Variants in LRRC74A observed in about 807,000 individuals in gnomAD.
LRRC74A encodes leucine-rich repeat-containing protein 74A.
LRRC74A carries 44 observed loss-of-function variants against 57.9 expected under a neutral mutation model. That is an observed-to-expected ratio of 0.76 (90% CI 0.60 to 0.98). The LOEUF (loss-of-function observed/expected upper bound fraction) is 0.98, where lower values mean the gene tolerates loss of function less well. LRRC74A is among the 50% of genes least tolerant of loss of function. The pLI, the probability that LRRC74A is intolerant of heterozygous loss-of-function variation, is 0.00. For synonymous variants in LRRC74A, 211 were observed against 219.4 expected (o/e 0.96, Z 0.34); for missense variants, 572 against 574.0 (o/e 1.00, Z 0.04).
At chr14:76,853,177 T>C (rs768946598) in intron 8 of LRRC74A, 39 bp from the exon 9 acceptor site, 3 of 1,556,778 alleles carry the variant, frequency 1.9e-6, no homozygotes, top group Non-Finnish European at 2.7e-6. Context: ...GAGTCACGCG[T>C]AACCTTGATG....
rs1487810787 is a variant in LRRC74A at position 76,853,395 on chromosome 14, C to G, written c.942C>G (p.Ser314Arg). The G allele has an allele frequency of 6.2e-7, 1 of 1,602,706 alleles. No homozygotes were observed. Among genetic ancestry groups the G allele is most frequent in the South Asian group, 1.1e-5 (1 of 90,674 alleles). ...GCAAAGGACTGGAATCCAATGAAAG[C>G]CTCAGAGTTCTGAAGGTAGTCTTCA... The part of the protein sequence containing the change: ...KISKGLESNE[S>R]LRVLKLFLNP... Residue 314 changes from serine (S) to arginine (R), a missense_variant, in exon 9 of 14, where the codon AGC (serine) becomes AGG (arginine). By Grantham distance (110) the Ser-to-Arg change is moderately radical (BLOSUM62 -1). Coordinates refer to ENST00000689127, the MANE Select transcript of LRRC74A (RefSeq NM_001385106.1).
In LRRC74A at chr14:76,831,214, T is replaced by A. The variant is rs777659916; in HGVS notation, c.178T>A (p.Phe60Ile). ...TDLEIEDDEK[F>I]FTTGQKELYL... ...ATCTTTCTCTGCAGATGATGAGAAATTTTTCACCACTGGACAAAAGGAGCT... is the reference window on the plus strand; with the variant it reads ...ATCTTTCTCTGCAGATGATGAGAAAATTTTCACCACTGGACAAAAGGAGCT... Residue 60 changes from phenylalanine to isoleucine, a missense_variant, in exon 3 of 14, where the codon TTT (phenylalanine) becomes ATT (isoleucine). Coordinates refer to ENST00000689127, the MANE Select transcript of LRRC74A (RefSeq NM_001385106.1). The A allele has an allele frequency of 6.2e-7, 1 of 1,613,824 alleles. No individual in the cohort carries two copies. The highest frequency in any genetic ancestry group is 1.1e-5 in the South Asian group (1 of 91,076).
rs142165893 is a variant in LRRC74A, at chr14:76,842,438, G to A, written c.545-1985G>A. ...AATCACCCAGTCCTATCCCAGACTG[G>A]TGAAATCAGAATCTTTGGCAGGAGA... On this transcript the variant is annotated intron_variant, in intron 5 of 13. Transcript: ENST00000689127. 8.4e-3 allele frequency among the ~76,000 whole-genome samples: 1,276 copies of A among 152,266 alleles called. 16 individuals are homozygous for A. The highest frequency in any genetic ancestry group is 0.028 in the African/African-American group (1,167 of 41,536).
At chr14:76,829,283 C>A in intron 2 of LRRC74A, 2 of 904,420 alleles carry the variant, frequency 2.2e-6, no homozygotes, top group Non-Finnish European at 3.1e-6. Context: ...CCAGTTCTGC[C>A]AAATTAAACT....
intron 12 of LRRC74A, among the ~76,000 whole-genome samples, chr14:76,866,380 A>G (rs1898797048): frequency 6.6e-6 from 1 of 152,222 alleles, no homozygotes; most frequent in Non-Finnish European, 1.5e-5. Flanking sequence ...TACTGGGCAG[A>G]TAACAAAGGG....
chr14:76,829,011 G>A, intron 2 of LRRC74A: 1 of 1,289,244 alleles, frequency 7.8e-7, no homozygotes, highest in Non-Finnish European at 1.0e-6. Context: ...ATCTAAGCAT[G>A]CCTGGGTATC....
rs761609399 is a variant in LRRC74A at position 76,836,240 on chromosome 14, G to A, written c.373G>A (p.Asp125Asn). Residue 125 changes from aspartate to asparagine, a missense_variant, in exon 4 of 14, where the codon GAC becomes AAC. By Grantham distance (23) the Asp-to-Asn change is conservative. Coordinates refer to ENST00000689127, the MANE Select transcript of LRRC74A (RefSeq NM_001385106.1). ...NMAVTKLELE[D>N]NCIMEEGVLS... ...GGCTGTTACCAAACTGGAGCTGGAA[G>A]ACAATTGCATCATGGAGGAGGGCGT... 14 of 1,613,928 alleles carry A rather than the reference G, an allele frequency of 8.7e-6. No individual in the cohort carries two copies. The highest frequency in any genetic ancestry group is 1.2e-5 in the Non-Finnish European group (14 of 1,179,858).
intron 5 of LRRC74A, among the ~76,000 whole-genome samples, chr14:76,839,197 C>T (rs1161135466): frequency 6.6e-6 from 1 of 152,176 alleles, no homozygotes; most frequent in Non-Finnish European, 1.5e-5. Context: ...ATTTCTAGAT[C>T]GACACCCAGG....
intron 5 of LRRC74A, among the ~76,000 whole-genome samples, chr14:76,843,814 C>T (rs563659455): frequency 6.0e-5 from 9 of 150,402 alleles, no homozygotes; most frequent in East Asian, 4.0e-4. Flanking sequence ...AAGCATTTCT[C>T]GTGCCTCAGC....
At chr14:76,830,895 T>C (rs1895925602) in intron 2 of LRRC74A, among the ~76,000 whole-genome samples, 1 of 152,244 alleles carries the variant, frequency 6.6e-6, no homozygotes, top group South Asian at 2.1e-4. Context: ...GACCAGTCAC[T>C]GGATGTGGCC....
chr14:76,857,120 A>G (rs61989416), intron 9 of LRRC74A, among the ~76,000 whole-genome samples: 3 of 147,520 alleles, frequency 2.0e-5, no homozygotes, highest in South Asian at 2.1e-4. Context: ...GTAGGTGGAT[A>G]GATGGATGGA....
chr14:76,845,233 A>G (rs948405361), intron 7 of LRRC74A, among the ~76,000 whole-genome samples: 1 of 152,076 alleles, frequency 6.6e-6, no homozygotes, highest in Admixed American at 6.5e-5. Context: ...CTGAGGTGGG[A>G]GGATTCCTTG....
chr14:76,826,954 AATTT>A (rs1264377926), intron 1 of LRRC74A, among the ~76,000 whole-genome samples: 1 of 152,162 alleles, frequency 6.6e-6, no homozygotes, highest in Non-Finnish European at 1.5e-5. Flanking sequence ...AGCCAGCTTT[AATTT>A]TTATTGTGTG....
At chr14:76,834,660 T>C (rs777415628) in intron 3 of LRRC74A, among the ~76,000 whole-genome samples, 10 of 152,174 alleles carry the variant, frequency 6.6e-5, no homozygotes, top group Non-Finnish European at 8.8e-5. Context: ...TGAACACAGA[T>C]AGTGACAAAT....
chr14:76,851,378 GA>G (rs1217132887), intron 7 of LRRC74A, among the ~76,000 whole-genome samples: 1 of 152,112 alleles, frequency 6.6e-6, no homozygotes, highest in African/African-American at 2.4e-5. Flanking sequence ...TTATTTTTGA[GA>G]TGCAGTCTTG....
chr14:76,866,428 T>C (rs1898800215), intron 12 of LRRC74A, among the ~76,000 whole-genome samples: 1 of 152,156 alleles, frequency 6.6e-6, no homozygotes, highest in Non-Finnish European at 1.5e-5. Context: ...TCCCAACATT[T>C]CCACCTTAGG....
rs558611602 is a variant in LRRC74A, at chr14:76,828,450, C to A, written c.166+31C>A. On this transcript the variant is annotated intron_variant, in intron 2 of 13. Transcript: ENST00000689127. ...CATGGGCATTTGGGGGCAGTCAGGG[C>A]AGCTTCTCCTCAGAAACTGGAGAAA... is the stretch of plus-strand genomic sequence containing the variant. 1.9e-6 allele frequency: 3 copies of A among 1,613,490 alleles called. No individual in the cohort carries two copies. In the African/African-American group the frequency reaches 4.0e-5, roughly 22 times the overall value.
rs1418610502 is a variant in LRRC74A, at chr14:76,831,285, C to T, written c.249C>T (p.Tyr83=). ...CKLMGVVPVS[Y]FIRNMEESYV... ...TGATGGGTGTAGTGCCTGTCTCCTA[C>T]TTCATTCGGAACATGGAGGAGTCCT... Residue 83 remains tyrosine (Y), a synonymous_variant, in exon 3 of 14, where the codon TAC becomes TAT. Coordinates refer to ENST00000689127, the MANE Select transcript of LRRC74A (RefSeq NM_001385106.1). 2 of 1,613,940 alleles carry T rather than the reference C, an allele frequency of 1.2e-6. No homozygotes were observed. The highest frequency in any genetic ancestry group is 3.3e-5 in the Admixed American group (2 of 60,012).
chr14:76,844,212 A>C (rs1896965951), intron 5 of LRRC74A, among the ~76,000 whole-genome samples: 1 of 152,230 alleles, frequency 6.6e-6, no homozygotes, highest in Non-Finnish European at 1.5e-5. Flanking sequence ...TATGTTGCCC[A>C]GGCTGGTCTC....
Sources: allele counts gnomAD v4.1 joint callset (sites outside exome capture counted in the v4.1 genomes callset), GRCh38; gene constraint gnomAD v4.1.1; transcripts MANE v1.5; gene names NCBI Gene and HGNC (gene_info 2026-07-23, HGNC 2026-07-21).